The following ZNF83 variants were observed in gnomAD, a reference collection of about 807,000 sequenced individuals.
The protein encoded by ZNF83 is zinc finger protein 816B.
For synonymous variants in ZNF83, 209 were observed against 213.0 expected, an observed-to-expected ratio of 0.98 and a Z score of 0.17; for missense variants, 552 against 629.9, an observed-to-expected ratio of 0.88 and a Z score of 1.32.
At chr19:52,689,123 G>C (rs1316363853) in intron 1 of ZNF83, among the ~76,000 whole-genome samples, 1 of 152,172 alleles carries the variant, frequency 6.6e-6, no homozygotes, top group Non-Finnish European at 1.5e-5. Flanking sequence ...TTATGCTATA[G>C]ATTACACAAC....
chr19:52,661,686 G>A (rs2061582362), intron 1 of ZNF83, among the ~76,000 whole-genome samples: 1 of 152,182 alleles, frequency 6.6e-6, no homozygotes, highest in Non-Finnish European at 1.5e-5. Context: ...CCCACCTTCT[G>A]GCTCTGCTCT....
chr19:52,648,382 C>T (rs1190407739), intron 3 of ZNF83, among the ~76,000 whole-genome samples: 2 of 151,898 alleles, frequency 1.3e-5, no homozygotes, highest in African/African-American at 2.4e-5. Context: ...TATAAGATAA[C>T]GCTGTCCAAA....
Position 52,670,218 on chromosome 19 carries a change from C to T in ZNF83, c.-282-9375G>A, listed in dbSNP as rs143585458. Among the ~76,000 whole-genome samples, 58 of 151,924 alleles carry T rather than the reference C, an allele frequency of 3.8e-4. No individual in the cohort carries two copies. In the East Asian group the frequency reaches 0.011, roughly 28 times the overall value. Reference sequence around the variant, plus strand: ...TGATCACCTGCCCCACCCTGACTCACTCCGATTACCTGCTCCACCCTGACT... The same window carrying T: ...TGATCACCTGCCCCACCCTGACTCATTCCGATTACCTGCTCCACCCTGACT... On this transcript the variant is annotated intron_variant, in intron 1 of 5. Transcript: ENST00000594682.
At chr19:52,653,915 TC>T (rs1464301708) in intron 3 of ZNF83, among the ~76,000 whole-genome samples, 1 of 152,226 alleles carries the variant, frequency 6.6e-6, no homozygotes, top group African/African-American at 2.4e-5. Flanking sequence ...GGTTTTTCTC[TC>T]ATGTGTTCTT....
At chr19:52,644,507 G>T (rs2061348356) in intron 3 of ZNF83, among the ~76,000 whole-genome samples, 1 of 152,072 alleles carries the variant, frequency 6.6e-6, no homozygotes, top group South Asian at 2.1e-4. Context: ...ACCCATTATT[G>T]AAAATTAAAG....
rs780754018 is a variant in ZNF83 at position 52,687,657 on chromosome 19, A to AT, written c.-283+2785_-283+2786insA. ...TGTATATATATATATATATATATAT[A>AT]ATGTATATATATATATAACTAGCCG... On this transcript the variant is annotated intron_variant, in intron 1 of 5. Transcript: ENST00000594682. 7.0e-3 allele frequency among the ~76,000 whole-genome samples: 104 copies of AT among 14,914 alleles called. 6 individuals carry two copies. Among genetic ancestry groups the AT allele is most frequent in the African/African-American group, 0.038 (66 of 1,722 alleles). 9.8% of individuals were successfully genotyped at this position (14,914 alleles called of 152,430 possible).
intron 3 of ZNF83, chr19:52,653,036 A>G: frequency 6.8e-7 from 1 of 1,472,088 alleles, no homozygotes; most frequent in Non-Finnish European, 9.5e-7. Flanking sequence ...TGTTGATTAA[A>G]AACCTTGCCA....
At chr19:52,627,795 T>C (rs1016374138) in intron 2 of ZNF83, among the ~76,000 whole-genome samples, 3 of 152,132 alleles carry the variant, frequency 2.0e-5, no homozygotes, top group African/African-American at 7.2e-5. Flanking sequence ...AAATGAATAT[T>C]GTCAGGCCTC....
intron 1 of ZNF83, among the ~76,000 whole-genome samples, chr19:52,669,108 A>C (rs565968648): frequency 1.6e-4 from 24 of 152,238 alleles, no homozygotes; most frequent in Non-Finnish European, 3.1e-4. Flanking sequence ...TAGTGGTATT[A>C]TGGTGGACCT....
chr19:52,658,680 AC>A (rs1394495626), intron 2 of ZNF83, among the ~76,000 whole-genome samples: 1 of 152,194 alleles, frequency 6.6e-6, no homozygotes, highest in Non-Finnish European at 1.5e-5. Context: ...GGCTGAAGGC[AC>A]CCGGTTCTTA....
At chr19:52,676,728 G>A (rs1160843035) in intron 1 of ZNF83, among the ~76,000 whole-genome samples, 3 of 139,524 alleles carry the variant, frequency 2.2e-5, no homozygotes, top group Admixed American at 7.2e-5. Flanking sequence ...GATGGTTGCC[G>A]TGTCTGTGTA....
At chr19:52,626,149 A>T (rs2060729435) in intron 2 of ZNF83, among the ~76,000 whole-genome samples, 1 of 152,190 alleles carries the variant, frequency 6.6e-6, no homozygotes, top group African/African-American at 2.4e-5. Context: ...CTCTACTTAT[A>T]GGGTTAGGAC....
At chr19:52,621,490 C>CCCACATTT (rs2060543446) in intron 2 of ZNF83, among the ~76,000 whole-genome samples, 1 of 152,114 alleles carries the variant, frequency 6.6e-6, no homozygotes, top group African/African-American at 2.4e-5. Context: ...TGATTATTCA[C>CCCACATTT]CCACATTTCA....
chr19:52,664,769 G>A (rs1018762914), intron 1 of ZNF83, among the ~76,000 whole-genome samples: 7 of 143,424 alleles, frequency 4.9e-5, no homozygotes, highest in Non-Finnish European at 1.1e-4. Context: ...GGTGAGGGGG[G>A]AAGAGGCCTG....
chr19:52,676,345 C>T (rs2061804837), intron 1 of ZNF83, among the ~76,000 whole-genome samples: 1 of 152,190 alleles, frequency 6.6e-6, no homozygotes, highest in Non-Finnish European at 1.5e-5. Context: ...CTCCACCTCC[C>T]AGCCGCCTGC....
At chr19:52,639,395 T>TTA (rs1473055325), upstream of ZNF83, among the ~76,000 whole-genome samples, 2 of 146,226 alleles carry the variant, frequency 1.4e-5, no homozygotes, top group East Asian at 4.0e-4. Context: ...TTATTTTCTT[T>TTA]TATATATTTA....
chr19:52,640,363 C>T (rs10418303), upstream of ZNF83, among the ~76,000 whole-genome samples: 12,389 of 152,134 alleles, frequency 0.081, 536 homozygotes, highest in Middle Eastern at 0.1. Context: ...TTAGCAGAAT[C>T]ATGACAGCTT....
chr19:52,638,612 G>A (rs916198749), upstream of ZNF83, among the ~76,000 whole-genome samples: 2 of 152,266 alleles, frequency 1.3e-5, no homozygotes, highest in Non-Finnish European at 2.9e-5. Flanking sequence ...CTGGAACGGG[G>A]ATGCAAACTA....
chr19:52,628,792 A>C (rs1258997666), intron 2 of ZNF83, among the ~76,000 whole-genome samples: 3 of 149,872 alleles, frequency 2.0e-5, no homozygotes, highest in African/African-American at 7.4e-5. Context: ...CTAGGGGAGG[A>C]GCAAGTACCC....
Sources: gnomAD v4.1 joint callset for allele counts (sites outside exome capture counted in the v4.1 genomes callset) on GRCh38, gnomAD v4.1.1 for gene constraint, MANE v1.5 for transcripts, NCBI Gene and HGNC (gene_info 2026-07-23, HGNC 2026-07-21) for gene names.